RALGAPA1: variants seen among roughly 807,000 people sequenced by gnomAD.
RALGAPA1 encodes ral GTPase-activating protein subunit alpha-1.
RALGAPA1 carries 52 observed loss-of-function variants against 269.6 expected under a neutral mutation model. That is an observed-to-expected ratio of 0.19 (90% CI 0.15 to 0.24). The LOEUF is 0.24. Ranked by LOEUF, RALGAPA1 falls within the 10% of genes least tolerant of loss-of-function variation. The pLI is 1.00. For synonymous variants in RALGAPA1, 817 were observed against 1,008.3 expected, an observed-to-expected ratio of 0.81 and a Z score of 3.60; for missense variants, 1,917 against 3,013.9, an observed-to-expected ratio of 0.64 and a Z score of 8.52.
chr14:35,651,970 C>T (rs541726820), intron 30 of RALGAPA1, 97 bp from the exon 31 acceptor site: 16 of 922,208 alleles, frequency 1.7e-5, no homozygotes, highest in Non-Finnish European at 2.6e-5. Flanking sequence ...GATACAAAAC[C>T]TACTACTGCA....
In RALGAPA1 at chr14:35,539,639, T is replaced by C; in HGVS notation, c.*75A>G. On this transcript the variant is annotated 3_prime_UTR_variant, in exon 42 of 42. Transcript: ENST00000680220. ...CATTGGAGAGGCCAGGTCAGCCCCATCTACCTGCGTTGCTGTGGGAGTTTC... is the reference window on the plus strand; with the variant it reads ...CATTGGAGAGGCCAGGTCAGCCCCACCTACCTGCGTTGCTGTGGGAGTTTC... The C allele has an allele frequency of 6.2e-7, 1 of 1,614,116 alleles. No individual in the cohort carries two copies. The highest frequency in any genetic ancestry group is 8.5e-7 in the Non-Finnish European group (1 of 1,180,022).
intron 13 of RALGAPA1, among the ~76,000 whole-genome samples, chr14:35,726,059 C>A (rs1054457457): frequency 1.3e-5 from 2 of 152,072 alleles, no homozygotes; most frequent in African/African-American, 2.4e-5. Context: ...GTGTATCAGC[C>A]CAATTCTCTA....
chr14:35,690,524 C>T (rs940711459), intron 17 of RALGAPA1, among the ~76,000 whole-genome samples: 1 of 152,090 alleles, frequency 6.6e-6, no homozygotes, highest in African/African-American at 2.4e-5. Flanking sequence ...AAGTCTCTAC[C>T]CTCTTCCTAA....
chr14:35,689,315 T>C lies in RALGAPA1; in HGVS notation c.3096A>G (p.Gln1032=). 8.1e-7 allele frequency: 1 copy of C among 1,232,254 alleles called. No individual in the cohort carries two copies. The highest frequency in any genetic ancestry group is 3.2e-5 in the East Asian group (1 of 31,698). 76.3% of individuals were successfully genotyped at this position (1,232,254 alleles called of 1,614,324 possible). ...PNQSDSFFRT[Q]TSEKSKQLNT... ...TTAGTTGCTTAGATTTTTCAGAAGT[T>C]TGTGTTCTAAAAAAACTGTCTGACT... The change falls in exon 18 of 42, where the codon CAA becomes CAG. Residue 1032 remains glutamine (Q), a synonymous_variant. Coordinates refer to ENST00000680220, the MANE Select transcript of RALGAPA1 (RefSeq NM_001346249.2).
intron 39 of RALGAPA1, among the ~76,000 whole-genome samples, chr14:35,554,559 G>C (rs2139187863): frequency 1.3e-5 from 2 of 151,486 alleles, no homozygotes. Flanking sequence ...TTTTAGCCGG[G>C]ATGGTCTCGA....
chr14:35,759,475 G>A (rs1020648644), intron 6 of RALGAPA1, among the ~76,000 whole-genome samples: 5 of 151,940 alleles, frequency 3.3e-5, no homozygotes, highest in African/African-American at 7.3e-5. Flanking sequence ...GGTTATTGCA[G>A]CCTTGGCTGA....
chr14:35,738,010 C>T (rs183830032), intron 12 of RALGAPA1, among the ~76,000 whole-genome samples: 7 of 151,650 alleles, frequency 4.6e-5, no homozygotes, highest in African/African-American at 1.5e-4. Context: ...AGCATTTGAA[C>T]CCTGGAGGCA....
chr14:35,675,408 C>A (rs1334322431), intron 22 of RALGAPA1, among the ~76,000 whole-genome samples: 1 of 152,192 alleles, frequency 6.6e-6, no homozygotes, highest in Admixed American at 6.5e-5. Flanking sequence ...AAACTCCTGA[C>A]CTCATGATCC....
intron 35 of RALGAPA1, among the ~76,000 whole-genome samples, chr14:35,621,532 G>A (rs928209345): frequency 6.6e-6 from 1 of 152,134 alleles, no homozygotes; most frequent in Admixed American, 6.6e-5. Flanking sequence ...TTAAACTAAA[G>A]AGCTTCTGCA....
At chr14:35,725,219 T>C in intron 13 of RALGAPA1, 66 bp from the exon 14 acceptor site, 1 of 1,149,486 alleles carries the variant, frequency 8.7e-7, no homozygotes, top group Non-Finnish European at 1.2e-6. Flanking sequence ...AATAGTTAAC[T>C]TTCAAATACA....
intron 41 of RALGAPA1, chr14:35,542,201 TAA>T (rs2054074586): frequency 1.8e-5 from 6 of 328,222 alleles, no homozygotes; most frequent in South Asian, 5.1e-5. Context: ...ACAGCCACAT[TAA>T]GTTTAAATTT....
chr14:35,590,083 T>C (rs1188364190), intron 37 of RALGAPA1, among the ~76,000 whole-genome samples: 1 of 152,224 alleles, frequency 6.6e-6, no homozygotes, highest in Non-Finnish European at 1.5e-5. Flanking sequence ...CTGGAACAAA[T>C]GGTTTATGTG....
intron 1 of RALGAPA1, among the ~76,000 whole-genome samples, chr14:35,783,801 T>G (rs749880758): frequency 4.6e-5 from 7 of 152,092 alleles, no homozygotes; most frequent in Non-Finnish European, 1.0e-4. Flanking sequence ...GCCAGTAAGC[T>G]CATGAAAAAA....
chr14:35,651,925 G>A, intron 30 of RALGAPA1, 52 bp from the exon 31 acceptor site: 1 of 1,436,482 alleles, frequency 7.0e-7, no homozygotes, highest in Non-Finnish European at 9.5e-7. Context: ...CAAATTAATG[G>A]TACATCCTAA....
At chr14:35,721,231 G>A (rs1255112993) in intron 16 of RALGAPA1, among the ~76,000 whole-genome samples, 1 of 152,144 alleles carries the variant, frequency 6.6e-6, no homozygotes, top group Non-Finnish European at 1.5e-5. Context: ...CAGACTCCAT[G>A]TTGGCCTTAG....
intron 35 of RALGAPA1, among the ~76,000 whole-genome samples, chr14:35,624,167 A>T (rs1220000205): frequency 2.7e-5 from 4 of 150,852 alleles, no homozygotes; most frequent in Non-Finnish European, 5.9e-5. Context: ...AAAAAAAAAA[A>T]AAAAAAACAA....
rs187639380 is a variant in RALGAPA1, at chr14:35,624,840, T to C, written c.6929+521A>G. 2.3e-3 allele frequency among the ~76,000 whole-genome samples: 354 copies of C among 152,246 alleles called. 2 individuals carry two copies. The highest frequency in any genetic ancestry group is 8.1e-3 in the African/African-American group (338 of 41,550). On this transcript the variant is annotated intron_variant, in intron 35 of 41. Coordinates refer to ENST00000680220, the MANE Select transcript of RALGAPA1 (RefSeq NM_001346249.2). ...TAAACATGGGAAAAACCAAAGGCTATTTTACAGGTCCAGTTAGTTTTCTGT... is the reference window on the plus strand; with the variant it reads ...TAAACATGGGAAAAACCAAAGGCTACTTTACAGGTCCAGTTAGTTTTCTGT...
intron 39 of RALGAPA1, among the ~76,000 whole-genome samples, chr14:35,557,130 G>A (rs3058591): frequency 2.6e-4 from 28 of 108,798 alleles, no homozygotes; most frequent in Admixed American, 3.4e-4. Context: ...GTGTGTGTGT[G>A]TGTGTGTATA....
intron 3 of RALGAPA1, among the ~76,000 whole-genome samples, chr14:35,772,508 G>C (rs6571730): frequency 0.15 from 23,126 of 152,020 alleles, 3,207 homozygotes; most frequent in East Asian, 0.37. Flanking sequence ...TCTCGATCAA[G>C]AGCTACCTTA....
Sources: allele counts gnomAD v4.1 joint callset (sites outside exome capture counted in the v4.1 genomes callset), GRCh38; gene constraint gnomAD v4.1.1; transcripts MANE v1.5; gene names NCBI Gene and HGNC (gene_info 2026-07-23, HGNC 2026-07-21).